The following RPS6KA1 variants were observed in gnomAD, a reference collection of about 807,000 sequenced individuals.
RPS6KA1 encodes the protein ribosomal protein S6 kinase A1.
Under a neutral mutation model 91.3 loss-of-function variants are expected in RPS6KA1, and 48 were observed. That is an observed-to-expected ratio of 0.53 (90% CI 0.42 to 0.67). RPS6KA1 has a LOEUF of 0.67. Ranked by LOEUF, RPS6KA1 falls within the 30% of genes least tolerant of loss-of-function variation. RPS6KA1 has a pLI of 0.00. For synonymous variants in RPS6KA1, 359 were observed against 384.7 expected (o/e 0.93, Z 0.78); for missense variants, 719 against 960.5 (o/e 0.75, Z 3.32).
intron 17 of RPS6KA1, among the ~76,000 whole-genome samples, chr1:26,562,918 C>T (rs1039366462): frequency 1.4e-5 from 2 of 144,942 alleles, no homozygotes; most frequent in African/African-American, 5.1e-5. Context: ...CTCACTGCAA[C>T]CTCTGCCTCC....
chr1:26,569,352 G>C (rs1158866535), intron 17 of RPS6KA1, among the ~76,000 whole-genome samples: 1 of 152,190 alleles, frequency 6.6e-6, no homozygotes, highest in Non-Finnish European at 1.5e-5. Context: ...CAGCCAAGCT[G>C]AGCATCCCTG....
chr1:26,569,469 G>T (rs2076231929), intron 17 of RPS6KA1, among the ~76,000 whole-genome samples: 1 of 152,192 alleles, frequency 6.6e-6, no homozygotes, highest in Non-Finnish European at 1.5e-5. Flanking sequence ...CTTGGATACA[G>T]TGTGTTGCTG....
At chr1:26,566,178 C>T (rs1485830441) in intron 17 of RPS6KA1, among the ~76,000 whole-genome samples, 2 of 151,980 alleles carry the variant, frequency 1.3e-5, no homozygotes, top group East Asian at 3.9e-4. Context: ...TTTACACTCC[C>T]AACAGAAGTG....
chr1:26,557,658 C>T (rs1206323977), intron 13 of RPS6KA1, among the ~76,000 whole-genome samples: 1 of 152,080 alleles, frequency 6.6e-6, no homozygotes, highest in Non-Finnish European at 1.5e-5. Context: ...CTGGTGAATC[C>T]TAACTTTTTG....
intron 1 of RPS6KA1, among the ~76,000 whole-genome samples, chr1:26,532,520 A>G (rs564484375): frequency 6.6e-6 from 1 of 152,186 alleles, no homozygotes; most frequent in South Asian, 2.1e-4. Flanking sequence ...GAGGCTCCGG[A>G]TGTTGGCGGA....
At chr1:26,565,831 G>A (rs763542134) in intron 17 of RPS6KA1, among the ~76,000 whole-genome samples, 5 of 152,094 alleles carry the variant, frequency 3.3e-5, no homozygotes, top group Non-Finnish European at 7.3e-5. Context: ...CAAAGTGCTG[G>A]GATTACAGGC....
rs1390132575 is a variant in RPS6KA1 at position 26,556,663 on chromosome 1, C to T, written c.926C>T (p.Pro309Leu). 4 of 1,614,088 alleles carry T rather than the reference C, an allele frequency of 2.5e-6. No homozygotes were observed. The highest frequency in any genetic ancestry group is 3.4e-6 in the Non-Finnish European group (4 of 1,180,038). Residue 309 changes from proline (P) to leucine (L), a missense_variant, in exon 12 of 22, where the codon CCT becomes CTT. Pro to Leu is a moderately conservative substitution (Grantham distance 98). Transcript: ENST00000374168. ...ATTTGGGCTCTTTCAGGCTCCGGCC[C>T]TGATGGGGCAGAGGAAATCAAGCGG... ...RNPANRLGSG[P>L]DGAEEIKRHV...
intron 2 of RPS6KA1, chr1:26,543,267 C>T: frequency 7.1e-7 from 1 of 1,410,696 alleles, no homozygotes; most frequent in South Asian, 1.2e-5. Context: ...GTCACCATGA[C>T]TGGGCAAGGA....
At chr1:26,573,184 T>C (rs763392509) in intron 20 of RPS6KA1, 40 bp from the exon 21 acceptor site, 3 of 1,606,088 alleles carry the variant, frequency 1.9e-6, no homozygotes, top group Non-Finnish European at 2.6e-6. Flanking sequence ...CCTGCTCCCC[T>C]GCAGCCCTCC....
chr1:26,534,298 C>T (rs1365433142), intron 1 of RPS6KA1, among the ~76,000 whole-genome samples: 1 of 152,188 alleles, frequency 6.6e-6, no homozygotes, highest in African/African-American at 2.4e-5. Flanking sequence ...AAACCACATG[C>T]TGGACTCTGG....
At position 26,554,355 on chromosome 1, in the gene RPS6KA1, G is replaced by T; in HGVS notation, c.613+104G>T. On this transcript the variant is annotated intron_variant, in intron 8 of 21. Transcript: ENST00000374168. The surrounding 1 kb of genome is among the most constrained non-coding windows in gnomAD (Gnocchi z 4.6). ...GGGCTCATTCTTCCCGAGAAGCCGT[G>T]CCAGTTACTTGGAAGTGGTCAAAAA... The T allele has an allele frequency of 7.7e-7, 1 of 1,306,872 alleles. No individual in the cohort carries two copies. Among genetic ancestry groups the T allele is most frequent in the Non-Finnish European group, 1.1e-6 (1 of 944,948 alleles). 81.0% of individuals were successfully genotyped at this position (1,306,872 alleles called of 1,614,324 possible). A position where few individuals can be genotyped will look rare whatever the true frequency, so the allele number is the denominator to read the frequency against.
rs973726964 is a variant in RPS6KA1 at position 26,540,584 on chromosome 1, T to G, written c.108+3615T>G. Among the ~76,000 whole-genome samples, 1 of 152,232 alleles carries G rather than the reference T, an allele frequency of 6.6e-6. No homozygotes were observed. The highest frequency in any genetic ancestry group is 2.4e-5 in the African/African-American group (1 of 41,452). ...GGATAGTTGTGGTTTTTTGGTTTTG[T>G]TTTTGTTTTGAGGCAGGGCCTCCCT... On this transcript the variant is annotated intron_variant, in intron 2 of 21. Transcript: ENST00000374168. The surrounding 1 kb of genome is among the most constrained non-coding windows in gnomAD (Gnocchi z 4.2).
At chr1:26,553,565 G>C (rs1293922081) in intron 7 of RPS6KA1, 68 bp downstream of exon 7, 3 of 969,414 alleles carry the variant, frequency 3.1e-6, no homozygotes, top group Non-Finnish European at 4.8e-6. Context: ...GGGCCATCCT[G>C]AGGTGGGTGG....
At chr1:26,572,027 G>C in intron 19 of RPS6KA1, 102 bp downstream of exon 19, 1 of 1,381,606 alleles carries the variant, frequency 7.2e-7, no homozygotes, top group Non-Finnish European at 1.0e-6. Context: ...CCCGCCCCAG[G>C]ATGGTCTGGA....
chr1:26,553,376 T>G lies in RPS6KA1; in HGVS notation c.469-15T>G. The G allele has an allele frequency of 1.9e-6, 3 of 1,582,682 alleles. No individual in the cohort carries two copies. The highest frequency in any genetic ancestry group is 2.6e-6 in the Non-Finnish European group (3 of 1,151,994). On this transcript the variant is annotated splice_polypyrimidine_tract_variant and intron_variant, in intron 6 of 21. Transcript: ENST00000374168. ...AGAGGAGGTCCCTGCTGAAGGCCCC[T>G]CCTGTCTTTTGCAGGTGATGTTCAC... is the stretch of plus-strand genomic sequence containing the variant.
intron 1 of RPS6KA1, chr1:26,530,672 AG>A (rs1185823290): frequency 9.0e-7 from 1 of 1,114,664 alleles, no homozygotes; most frequent in Admixed American, 3.4e-5. Flanking sequence ...TCCGGTAGGA[AG>A]GGCTGGGCCC....
intron 4 of RPS6KA1, among the ~76,000 whole-genome samples, chr1:26,548,673 C>T (rs994612842): frequency 1.3e-5 from 2 of 151,930 alleles, no homozygotes; most frequent in African/African-American, 4.8e-5. Flanking sequence ...GGTATGCACA[C>T]CTATAGTCCC....
intron 2 of RPS6KA1, among the ~76,000 whole-genome samples, chr1:26,544,554 A>C (rs556580314): frequency 1.3e-5 from 2 of 150,554 alleles, no homozygotes; most frequent in South Asian, 4.2e-4. Context: ...GGCTCACTGC[A>C]GCCTCCCCCT....
chr1:26,566,552 G>T (rs537976616), intron 17 of RPS6KA1, among the ~76,000 whole-genome samples: 24 of 152,086 alleles, frequency 1.6e-4, no homozygotes, highest in Non-Finnish European at 2.5e-4. Flanking sequence ...CTTCCAAAGT[G>T]CTGGGATTAC....
Sources: allele counts gnomAD v4.1 joint callset (sites outside exome capture counted in the v4.1 genomes callset), GRCh38; gene constraint gnomAD v4.1.1; non-coding constraint Gnocchi (gnomAD v3.1); transcripts MANE v1.5; gene names NCBI Gene and HGNC (gene_info 2026-07-23, HGNC 2026-07-21).